Variants in PRKX observed in about 807,000 individuals in gnomAD.
The protein encoded by PRKX is protein kinase cAMP-dependent X-linked catalytic subunit, also known as cAMP-dependent protein kinase catalytic subunit PRKX.
A neutral mutation model predicts 22.0 loss-of-function variants in PRKX; 12 were observed. The ratio of observed to expected loss-of-function variants is 0.54; its 90% CI spans 0.35 to 0.88. PRKX has a LOEUF of 0.88. Among genes scored for constraint, PRKX ranks in the 40% least tolerant of loss-of-function variants. PRKX has a pLI of 0.01. For missense variants in PRKX, 217 were observed against 308.0 expected (o/e 0.70, Z 2.21); for synonymous variants, 134 against 137.7 (o/e 0.97, Z 0.19).
intron 1 of PRKX, among the ~76,000 whole-genome samples, chrX:3,703,669 GTTTTTTTT>G (rs1242835644): frequency 1.6e-5 from 1 of 64,183 alleles, no homozygotes; most frequent in Non-Finnish European, 2.7e-5. Flanking sequence ...TTTTTTGGTT[GTTTTTTTT>G]TTTTTTTTTT....
At chrX:3,631,078 C>T (rs768763667) in intron 4 of PRKX, among the ~76,000 whole-genome samples, 5 of 112,173 alleles carry the variant, frequency 4.5e-5, no homozygotes, top group African/African-American at 1.3e-4. Flanking sequence ...CCTTATAAAA[C>T]GGAGCTTTCA....
intron 2 of PRKX, among the ~76,000 whole-genome samples, chrX:3,670,509 TG>T (rs1927824977): frequency 8.9e-6 from 1 of 112,058 alleles, no homozygotes; most frequent in Non-Finnish European, 1.9e-5. Flanking sequence ...GGCGGTCTCA[TG>T]GGCTAAGTTA....
chrX:3,635,442 C>T (rs1200019845), intron 4 of PRKX, among the ~76,000 whole-genome samples: 3 of 111,898 alleles, frequency 2.7e-5, no homozygotes, highest in African/African-American at 6.5e-5. Flanking sequence ...AAACACACTT[C>T]GGGAACCCCA....
chrX:3,639,605 CAT>C (rs1392599680), intron 4 of PRKX, among the ~76,000 whole-genome samples: 1 of 105,336 alleles, frequency 9.5e-6, no homozygotes, highest in Non-Finnish European at 2.0e-5. Flanking sequence ...AGTATATAAA[CAT>C]AGATAAATAG....
At chrX:3,704,309 A>G (rs974093670) in intron 1 of PRKX, among the ~76,000 whole-genome samples, 1 of 112,162 alleles carries the variant, frequency 8.9e-6, no homozygotes, top group African/African-American at 3.2e-5. Context: ...TCTGCCCTCT[A>G]GCACCTGTGT....
intron 4 of PRKX, among the ~76,000 whole-genome samples, chrX:3,627,830 T>G (rs1926693275): frequency 9.0e-6 from 1 of 110,849 alleles, no homozygotes; most frequent in South Asian, 3.8e-4. Flanking sequence ...GAGAAGAGTA[T>G]GGAGGTTCCT....
At chrX:3,629,547 C>T (rs1926727788) in intron 4 of PRKX, among the ~76,000 whole-genome samples, 1 of 110,842 alleles carries the variant, frequency 9.0e-6, no homozygotes, top group South Asian at 3.8e-4. Flanking sequence ...TGTGAGCCAC[C>T]ACACCCATTA....
At chrX:3,663,447 CACACACACACACACACACACAA>C (rs1197171838) in intron 2 of PRKX, among the ~76,000 whole-genome samples, 48 of 78,482 alleles carry the variant, frequency 6.1e-4, no homozygotes, top group African/African-American at 1.8e-3. Flanking sequence ...CACACACACA[CACACACACACACACACACACAA>C]AAAAATTCAA....
intron 1 of PRKX, among the ~76,000 whole-genome samples, chrX:3,694,092 A>G (rs1262148836): frequency 1.8e-5 from 2 of 109,801 alleles, no homozygotes; most frequent in Non-Finnish European, 1.9e-5. Context: ...AAAGAGTAAT[A>G]ATAAAAAATG....
intron 1 of PRKX, among the ~76,000 whole-genome samples, chrX:3,692,261 A>G (rs954786157): frequency 2.7e-5 from 3 of 109,990 alleles, no homozygotes; most frequent in African/African-American, 9.9e-5. Context: ...AAACCTGCAG[A>G]GTGGCGTCCC....
chrX:3,647,919 TTC>T (rs891669647), intron 3 of PRKX, among the ~76,000 whole-genome samples: 1 of 110,694 alleles, frequency 9.0e-6, no homozygotes, highest in Non-Finnish European at 1.9e-5. Flanking sequence ...CCATTCTACT[TTC>T]TGTCCTTATG....
rs111989068 is a variant in PRKX at position 3,653,288 on chromosome X, C to T, written c.599+1861G>A. ...ACCATGTGAGGACACAGCGAGAAGG[C>T]GCCGTCTACGAACCAGGAAGCTGGT... On this transcript the variant is annotated intron_variant, in intron 3 of 8. Transcript: ENST00000262848. Among the ~76,000 whole-genome samples, 277 of 110,053 alleles carry T rather than the reference C, an allele frequency of 2.5e-3. 1 individual carries two copies. The highest frequency in any genetic ancestry group is 8.6e-3 in the African/African-American group (260 of 30,266).
chrX:3,612,506 G>A (rs1926319262), intron 7 of PRKX, among the ~76,000 whole-genome samples, 181 bp from the exon 8 acceptor site: 1 of 111,876 alleles, frequency 8.9e-6, no homozygotes, highest in Admixed American at 9.6e-5. Flanking sequence ...TGTGAATGAG[G>A]CTGCGTGTGG....
intron 3 of PRKX, among the ~76,000 whole-genome samples, chrX:3,650,272 A>T (rs1195320074): frequency 1.8e-5 from 2 of 110,978 alleles, no homozygotes; most frequent in Non-Finnish European, 3.8e-5. Flanking sequence ...CTGTAATCCC[A>T]GCACTCTGGG....
At chrX:3,663,694 A>G (rs1603474297) in intron 2 of PRKX, among the ~76,000 whole-genome samples, 2 of 110,218 alleles carry the variant, frequency 1.8e-5, no homozygotes, top group South Asian at 7.8e-4. Flanking sequence ...ATGCAGAGTC[A>G]AAGAAAAGGA....
At position 3,641,618 on chromosome X, in the gene PRKX, A is replaced by T; in HGVS notation, c.719+234T>A. The T allele has an allele frequency of 1.7e-5, 3 of 173,848 alleles. No individual in the cohort carries two copies. In the South Asian group the frequency reaches 4.0e-4, roughly 23 times the overall value. 14.3% of individuals were successfully genotyped at this position (173,848 alleles called of 1,213,427 possible). A position where few individuals can be genotyped will look rare whatever the true frequency, so the allele number is the denominator to read the frequency against. On this transcript the variant is annotated intron_variant, in intron 4 of 8. Transcript: ENST00000262848. ...TTTCAATATAAAAATCTCAATGGGC[A>T]TGCATGGGTGGTTCCTTCACAAGTT...
chrX:3,647,452 TATA>T (rs1450559803), intron 3 of PRKX, among the ~76,000 whole-genome samples: 1 of 105,878 alleles, frequency 9.4e-6, no homozygotes, highest in Non-Finnish European at 1.9e-5. Flanking sequence ...ATATTTAATA[TATA>T]ATTATAATTA....
At chrX:3,627,595 G>A (rs1014680479) in intron 4 of PRKX, among the ~76,000 whole-genome samples, 1 of 108,474 alleles carries the variant, frequency 9.2e-6, no homozygotes, top group African/African-American at 3.4e-5. Context: ...CCAAGTAGCT[G>A]GGATCACAGG....
intron 4 of PRKX, among the ~76,000 whole-genome samples, chrX:3,640,260 G>A (rs58169873): frequency 0.017 from 1,919 of 110,223 alleles, 49 homozygotes; most frequent in African/African-American, 0.059. Context: ...CCCCCAACCG[G>A]TGTTCTGGGC....
Sources: allele counts gnomAD v4.1 joint callset (sites outside exome capture counted in the v4.1 genomes callset), GRCh38; gene constraint gnomAD v4.1.1; transcripts MANE v1.5; gene names NCBI Gene and HGNC (gene_info 2026-07-23, HGNC 2026-07-21).